Variants in CFAP70 observed in about 807,000 individuals in gnomAD.
The protein encoded by CFAP70 is cilia and flagella associated protein 70, also known as cilia- and flagella-associated protein 70.
CFAP70 carries 81 observed loss-of-function variants against 137.6 expected under a neutral mutation model. That is an observed-to-expected ratio of 0.59 (90% CI 0.49 to 0.71). The LOEUF is 0.71. CFAP70 is among the 30% of genes least tolerant of loss of function. The pLI is 0.00. For synonymous variants in CFAP70, 382 were observed against 423.6 expected, an observed-to-expected ratio of 0.90 and a Z score of 1.20; for missense variants, 976 against 1,226.7, an observed-to-expected ratio of 0.80 and a Z score of 3.05.
At chr10:73,324,696 C>G (rs1326329267) in intron 8 of CFAP70, among the ~76,000 whole-genome samples, 2 of 152,084 alleles carry the variant, frequency 1.3e-5, no homozygotes, top group African/African-American at 4.8e-5. Context: ...AATGCAGAAG[C>G]CTCAGGAGCC....
chr10:73,293,241 C>G (rs1428394212), intron 16 of CFAP70, 22 bp downstream of exon 17: 7 of 1,586,330 alleles, frequency 4.4e-6, no homozygotes, highest in Non-Finnish European at 6.0e-6. Context: ...TAGTAACAAT[C>G]ACTGGGAAGA....
chr10:73,344,110 C>T (rs2053512728), intron 5 of CFAP70, among the ~76,000 whole-genome samples: 1 of 151,816 alleles, frequency 6.6e-6, no homozygotes, highest in Non-Finnish European at 1.5e-5. Context: ...TTACAGGCAC[C>T]CACCACCATA....
chr10:73,352,605 T>C lies in CFAP70; in HGVS notation c.250+951A>G, dbSNP rs142079558. Among the ~76,000 whole-genome samples, 342 of 152,278 alleles carry C rather than the reference T, an allele frequency of 2.2e-3. 1 individual carries two copies. The highest frequency in any genetic ancestry group is 7.9e-3 in the African/African-American group (328 of 41,546). Reference sequence around the variant, plus strand: ...ACTGTGTCATTCCCCAGGTCCCAAGTTTCCTTCTCTCCACCTTTCAGAGTC... The same window carrying C: ...ACTGTGTCATTCCCCAGGTCCCAAGCTTCCTTCTCTCCACCTTTCAGAGTC... On this transcript the variant is annotated intron_variant, in intron 3 of 26. Coordinates refer to ENST00000310715, the Ensembl canonical transcript of CFAP70.
intron 7 of CFAP70, among the ~76,000 whole-genome samples, chr10:73,332,441 A>G (rs1241595905): frequency 6.6e-6 from 1 of 152,204 alleles, no homozygotes; most frequent in Non-Finnish European, 1.5e-5. Flanking sequence ...TCCTTATCTG[A>G]TCTCAGGGAA....
At chr10:73,348,061 A>G in intron 4 of CFAP70, 95 bp downstream of exon 5, 1 of 1,073,062 alleles carries the variant, frequency 9.3e-7, no homozygotes, top group Non-Finnish European at 1.4e-6. Context: ...GAAAATGCCC[A>G]ATGCATTACA....
At chr10:73,298,010 G>T (rs185124705) in intron 14 of CFAP70, among the ~76,000 whole-genome samples, 3 of 152,250 alleles carry the variant, frequency 2.0e-5, no homozygotes, top group Admixed American at 1.3e-4. Flanking sequence ...TTCACTCTAT[G>T]ACTTCCATGT....
chr10:73,299,679 G>GA lies in CFAP70; in HGVS notation c.1257-15dup. On this transcript the variant is annotated splice_polypyrimidine_tract_variant and intron_variant, in intron 12 of 26. Coordinates refer to ENST00000310715, the Ensembl canonical transcript of CFAP70. ...ATTTCCTTGACCCTGTATCAGGAAA[G>GA]AAAAAAAATAAAAAAACAAAAAAAA... 1.7e-5 allele frequency: 27 copies of GA among 1,589,606 alleles called. No individual in the cohort carries two copies. The highest frequency in any genetic ancestry group is 2.3e-5 in the South Asian group (2 of 87,050).
At chr10:73,299,236 A>T in intron 13 of CFAP70, 135 bp from the exon 15 acceptor site, 1 of 704,394 alleles carries the variant, frequency 1.4e-6, no homozygotes, top group Non-Finnish European at 2.3e-6. Flanking sequence ...TTTAGAGACA[A>T]GGTCTCTCTC....
At chr10:73,305,255 G>C (rs2049288740) in intron 12 of CFAP70, among the ~76,000 whole-genome samples, 1 of 152,220 alleles carries the variant, frequency 6.6e-6, no homozygotes. Context: ...CAAAAACATT[G>C]TAAGGTTATC....
chr10:73,291,683 A>G, exon 18 of CFAP70: 5 of 1,614,092 alleles, frequency 3.1e-6, no homozygotes, highest in African/African-American at 1.3e-5. Flanking sequence ...CCAAGCAAGT[A>G]GCATCCTCAA....
intron 7 of CFAP70, among the ~76,000 whole-genome samples, chr10:73,332,909 T>A (rs1441912246): frequency 1.3e-5 from 2 of 152,052 alleles, no homozygotes; most frequent in African/African-American, 4.8e-5. Context: ...AAAAATATAG[T>A]CCAAATAGAC....
At chr10:73,350,668 CCTCT>C (rs1339578101) in intron 3 of CFAP70, among the ~76,000 whole-genome samples, 1 of 151,724 alleles carries the variant, frequency 6.6e-6, no homozygotes, top group Non-Finnish European at 1.5e-5. Context: ...ATAAAGGCTT[CCTCT>C]CTCTGATTAT....
At chr10:73,287,487 T>A (rs1372489203) in intron 19 of CFAP70, among the ~76,000 whole-genome samples, 4 of 152,338 alleles carry the variant, frequency 2.6e-5, no homozygotes, top group Middle Eastern at 6.8e-3. Flanking sequence ...ATATTCTTAA[T>A]CCTAGGTGAT....
intron 9 of CFAP70, among the ~76,000 whole-genome samples, chr10:73,313,563 C>G (rs1296725188): frequency 2.0e-5 from 3 of 147,224 alleles, no homozygotes; most frequent in Non-Finnish European, 4.5e-5. Context: ...AAAAAAAAGG[C>G]CAGGTGCGGT....
chr10:73,314,497 A>G (rs1482248469), intron 9 of CFAP70, among the ~76,000 whole-genome samples: 2 of 152,248 alleles, frequency 1.3e-5, no homozygotes, highest in South Asian at 2.1e-4. Flanking sequence ...TATAAGTGGT[A>G]TCATACAATA....
chr10:73,303,358 C>T (rs1177076186), intron 12 of CFAP70, among the ~76,000 whole-genome samples: 1 of 152,174 alleles, frequency 6.6e-6, no homozygotes, highest in East Asian at 1.9e-4. Flanking sequence ...GCTGGGACTA[C>T]AGACGCCCGC....
chr10:73,300,928 G>A (rs2048901462), intron 12 of CFAP70, among the ~76,000 whole-genome samples: 1 of 152,172 alleles, frequency 6.6e-6, no homozygotes, highest in South Asian at 2.1e-4. Context: ...CTAGGTTTGG[G>A]AATAGAGCAT....
At chr10:73,263,890 T>A (rs1423569520) in intron 25 of CFAP70, among the ~76,000 whole-genome samples, 1 of 152,228 alleles carries the variant, frequency 6.6e-6, no homozygotes, top group Non-Finnish European at 1.5e-5. Flanking sequence ...TCCAATTCCA[T>A]CATTCTTCAT....
intron 26 of CFAP70, 57 bp from the exon 28 acceptor site, chr10:73,254,112 G>T (rs2044226953): frequency 7.1e-7 from 1 of 1,411,596 alleles, no homozygotes; most frequent in Non-Finnish European, 9.7e-7. Context: ...TACTTTATGT[G>T]GCTTTGAAGA....
Sources: allele counts gnomAD v4.1 joint callset (sites outside exome capture counted in the v4.1 genomes callset), GRCh38; gene constraint gnomAD v4.1.1; transcripts MANE v1.5; gene names NCBI Gene and HGNC (gene_info 2026-07-23, HGNC 2026-07-21).